Variants in ADAMTSL1 observed in about 807,000 individuals in gnomAD.
The protein encoded by ADAMTSL1 is ADAMTS like 1, also known as ADAMTS-like protein 1.
ADAMTSL1 carries 126 observed loss-of-function variants against 201.8 expected under a neutral mutation model. The ratio of observed to expected loss-of-function variants is 0.62; its 90% CI spans 0.54 to 0.72. ADAMTSL1 has a LOEUF of 0.72. Among genes scored for constraint, ADAMTSL1 ranks in the 30% least tolerant of loss-of-function variants. ADAMTSL1 has a pLI of 0.00. For missense variants in ADAMTSL1, 2,679 were observed against 2,277.8 expected, an observed-to-expected ratio of 1.18 and a Z score of -3.59; for synonymous variants, 1,121 against 903.4, an observed-to-expected ratio of 1.24 and a Z score of -4.32.
intron 2 of ADAMTSL1, among the ~76,000 whole-genome samples, chr9:18,433,279 G>T (rs1205835222): frequency 6.6e-6 from 1 of 151,956 alleles, no homozygotes; most frequent in African/African-American, 2.4e-5. Flanking sequence ...TCTATTGGAG[G>T]CCTATAATAA....
intron 23 of ADAMTSL1, among the ~76,000 whole-genome samples, chr9:18,858,735 G>T (rs1827022514): frequency 1.3e-5 from 2 of 152,144 alleles, no homozygotes; most frequent in Admixed American, 1.3e-4. Context: ...GCCAGGCTGG[G>T]ACATGATCTC....
At position 17,950,029 on chromosome 9, in the gene ADAMTSL1, G is replaced by A. The variant is rs956405291; in HGVS notation, c.87+43107G>A. Among the ~76,000 whole-genome samples the A allele has an allele frequency of 4.6e-5, 7 of 151,912 alleles. No individual in the cohort carries two copies. In the South Asian group the frequency reaches 6.3e-4, roughly 14 times the overall value. The stretch of plus-strand genomic sequence containing the variant: ...TGTCTCCCGGGTTCAAGTGATTCTC[G>A]TGCTTCAGCCTTTGAAGTAGCTGGA... On this transcript the variant is annotated intron_variant, in intron 1 of 29. Transcript: ENST00000680146.
At chr9:18,901,878 A>AAAAG (rs1308302405) in intron 26 of ADAMTSL1, among the ~76,000 whole-genome samples, 2 of 152,188 alleles carry the variant, frequency 1.3e-5, no homozygotes, top group Non-Finnish European at 2.9e-5. Context: ...TTAAAAATAA[A>AAAAG]AAAGACATGA....
intron 23 of ADAMTSL1, among the ~76,000 whole-genome samples, chr9:18,867,787 A>G (rs1265350672): frequency 6.6e-6 from 1 of 151,876 alleles, no homozygotes; most frequent in Non-Finnish European, 1.5e-5. Flanking sequence ...CCACCATGCC[A>G]GGCTAATTGT....
chr9:18,175,904 T>C (rs1434888039), intron 2 of ADAMTSL1, among the ~76,000 whole-genome samples: 1 of 146,986 alleles, frequency 6.8e-6, no homozygotes, highest in Non-Finnish European at 1.5e-5. Flanking sequence ...TCTTCAGAGA[T>C]GGAAGACCAA....
At chr9:18,228,265 C>G (rs949413230) in intron 2 of ADAMTSL1, among the ~76,000 whole-genome samples, 2 of 152,094 alleles carry the variant, frequency 1.3e-5, no homozygotes, top group Admixed American at 1.3e-4. Flanking sequence ...GGATAACAAG[C>G]TAGAAAAGTC....
At chr9:18,392,122 C>T (rs1374265881) in intron 2 of ADAMTSL1, among the ~76,000 whole-genome samples, 1 of 152,074 alleles carries the variant, frequency 6.6e-6, no homozygotes, top group East Asian at 1.9e-4. Flanking sequence ...CTGCGACTGG[C>T]CCTGAATCAA....
chr9:18,194,672 A>G (rs1829102115), intron 2 of ADAMTSL1, among the ~76,000 whole-genome samples: 1 of 152,108 alleles, frequency 6.6e-6, no homozygotes, highest in Non-Finnish European at 1.5e-5. Context: ...CTCGTGGCCC[A>G]GGGTCTAGGA....
At chr9:18,564,041 T>C (rs1821717303) in intron 3 of ADAMTSL1, among the ~76,000 whole-genome samples, 2 of 152,170 alleles carry the variant, frequency 1.3e-5, no homozygotes, top group African/African-American at 2.4e-5. Context: ...ATGCTGATAT[T>C]CCAGGCGCCA....
At chr9:18,163,734 C>T (rs752262516) in intron 1 of ADAMTSL1, 3 of 151,900 alleles carry the variant, frequency 2.0e-5, no homozygotes, top group South Asian at 2.1e-4. Flanking sequence ...TATGTATTTG[C>T]GTGCATTGTT....
intron 14 of ADAMTSL1, among the ~76,000 whole-genome samples, chr9:18,714,569 A>G (rs960653511): frequency 1.4e-5 from 2 of 144,332 alleles, no homozygotes; most frequent in African/African-American, 4.9e-5. Flanking sequence ...CTCTGAAGAT[A>G]GACCAATAAC....
chr9:17,974,080 T>A (rs1206531381), intron 1 of ADAMTSL1, among the ~76,000 whole-genome samples: 1 of 152,018 alleles, frequency 6.6e-6, no homozygotes, highest in East Asian at 1.9e-4. Flanking sequence ...AAATTAGGTA[T>A]TGATGGGACG....
chr9:18,334,170 A>T (rs1044635365), intron 2 of ADAMTSL1, among the ~76,000 whole-genome samples: 1 of 152,172 alleles, frequency 6.6e-6, no homozygotes, highest in Non-Finnish European at 1.5e-5. Context: ...ATGAAAAAAA[A>T]ATATGGAAAG....
chr9:18,782,513 C>G (rs1253770826), intron 19 of ADAMTSL1, among the ~76,000 whole-genome samples: 6 of 152,134 alleles, frequency 3.9e-5, no homozygotes, highest in Non-Finnish European at 8.8e-5. Context: ...ATTGCCTTTC[C>G]GCAAGGCTAA....
At chr9:18,600,164 T>G (rs1824544820) in intron 4 of ADAMTSL1, among the ~76,000 whole-genome samples, 1 of 152,160 alleles carries the variant, frequency 6.6e-6, no homozygotes, top group South Asian at 2.1e-4. Context: ...TATCTGCTTC[T>G]CTGATGCTTC....
chr9:18,120,679 G>T (rs2131917759), intron 1 of ADAMTSL1, among the ~76,000 whole-genome samples: 1 of 152,202 alleles, frequency 6.6e-6, no homozygotes, highest in Admixed American at 6.5e-5. Context: ...TATAAGAAAT[G>T]CAGAAATTAG....
At chr9:18,530,730 C>G (rs1447193065) in intron 2 of ADAMTSL1, among the ~76,000 whole-genome samples, 1 of 152,144 alleles carries the variant, frequency 6.6e-6, no homozygotes, top group Admixed American at 6.6e-5. Flanking sequence ...TAGGCACAGT[C>G]TGAAGTGATT....
intron 2 of ADAMTSL1, among the ~76,000 whole-genome samples, chr9:18,451,650 C>T (rs972800325): frequency 4.6e-5 from 7 of 152,238 alleles, no homozygotes; most frequent in African/African-American, 1.7e-4. Flanking sequence ...TACTAATTTA[C>T]TCTATCTGAA....
intron 1 of ADAMTSL1, among the ~76,000 whole-genome samples, chr9:18,058,215 G>A (rs1563974796): frequency 6.6e-6 from 1 of 152,152 alleles, no homozygotes; most frequent in Non-Finnish European, 1.5e-5. Flanking sequence ...ACACAATAAG[G>A]AATCTCAGTC....
Sources: gnomAD v4.1 joint callset for allele counts (sites outside exome capture counted in the v4.1 genomes callset) on GRCh38, gnomAD v4.1.1 for gene constraint, MANE v1.5 for transcripts, NCBI Gene and HGNC (gene_info 2026-07-23, HGNC 2026-07-21) for gene names.